Variants in TIMMDC1 observed in about 807,000 individuals in gnomAD.
TIMMDC1 encodes the protein complex I assembly factor TIMMDC1, mitochondrial.
In TIMMDC1, 25 loss-of-function variants were observed where a neutral mutation model predicts 32.6. The ratio of observed to expected loss-of-function variants is 0.77; its 90% CI spans 0.56 to 1.07. The LOEUF is 1.07. TIMMDC1 is among the 50% of genes least tolerant of loss of function. The probability of loss-of-function intolerance (pLI) is 0.00; values close to 1 mark genes in which losing one functional copy is unlikely to be tolerated. For missense variants in TIMMDC1, 329 were observed against 349.2 expected, an observed-to-expected ratio of 0.94 and a Z score of 0.46; for synonymous variants, 130 against 127.6, an observed-to-expected ratio of 1.02 and a Z score of -0.13.
intron 6 of TIMMDC1, among the ~76,000 whole-genome samples, chr3:119,518,926 T>C (rs1276317817): frequency 6.6e-6 from 1 of 151,642 alleles, no homozygotes; most frequent in Non-Finnish European, 1.5e-5. Flanking sequence ...CTGCCAAGAG[T>C]ATTATACCTA....
intron 4 of TIMMDC1, among the ~76,000 whole-genome samples, chr3:119,505,689 T>A (rs1487718452): frequency 6.6e-6 from 1 of 152,102 alleles, no homozygotes; most frequent in Non-Finnish European, 1.5e-5. Context: ...TTTTTAAATG[T>A]TTTTTTGGGA....
intron 6 of TIMMDC1, among the ~76,000 whole-genome samples, chr3:119,523,296 A>C (rs1176111887): frequency 1.3e-5 from 2 of 152,176 alleles, no homozygotes; most frequent in Non-Finnish European, 2.9e-5. Flanking sequence ...TTCACACCTT[A>C]GCACAAAGTG....
At chr3:119,506,550 T>C (rs889213733) in intron 4 of TIMMDC1, among the ~76,000 whole-genome samples, 3 of 151,310 alleles carry the variant, frequency 2.0e-5, no homozygotes. Context: ...AACCAAGGAA[T>C]GATATGGTTC....
chr3:119,503,674 G>GC, intron 3 of TIMMDC1, 54 bp downstream of exon 3: 1 of 1,427,768 alleles, frequency 7.0e-7, no homozygotes, highest in Non-Finnish European at 9.6e-7. Flanking sequence ...TGTTTTAGGA[G>GC]TGTGTCTTTT....
intron 5 of TIMMDC1, among the ~76,000 whole-genome samples, chr3:119,514,627 C>T (rs1174760708): frequency 1.3e-5 from 2 of 152,200 alleles, no homozygotes; most frequent in African/African-American, 4.8e-5. Flanking sequence ...TCATGTATCA[C>T]ATCAGGAGAT....
chr3:119,522,835 T>A (rs879339859), intron 6 of TIMMDC1, among the ~76,000 whole-genome samples: 23 of 147,124 alleles, frequency 1.6e-4, no homozygotes, highest in South Asian at 4.3e-4. Context: ...TGTGTGTGTG[T>A]GAGATATTTC....
intron 6 of TIMMDC1, 62 bp downstream of exon 6, chr3:119,517,377 G>A: frequency 9.0e-7 from 1 of 1,108,184 alleles, no homozygotes; most frequent in Non-Finnish European, 1.4e-6. Flanking sequence ...ATATAGTGGT[G>A]CTCTTTTAAA....
rs1246120147 is a variant in TIMMDC1, at chr3:119,524,647, T to A, written c.*891T>A. On this transcript the variant is annotated 3_prime_UTR_variant, in exon 7 of 7. Transcript: ENST00000494664. ...GCATTTGAGAAATGTTGTCTTCTTT[T>A]GCTGTTCAACTCCAGATTTTCAGAT... 1 of 152,250 alleles carries A rather than the reference T, an allele frequency of 6.6e-6. No homozygotes were observed. 9.4% of individuals were successfully genotyped at this position (152,250 alleles called of 1,614,324 possible). A position where few individuals can be genotyped will look rare whatever the true frequency, so the allele number is the denominator to read the frequency against.
chr3:119,513,159 C>G (rs1328451215), intron 4 of TIMMDC1, among the ~76,000 whole-genome samples: 1 of 152,172 alleles, frequency 6.6e-6, no homozygotes, highest in Admixed American at 6.5e-5. Context: ...GGAAAGAAGT[C>G]TTTCTGTGCA....
chr3:119,520,849 A>G lies in TIMMDC1; in HGVS notation c.708-2757A>G, dbSNP rs78667212. On this transcript the variant is annotated intron_variant, in intron 6 of 6. Transcript: ENST00000494664. ...AAACAATCCTTAACAAAATACCAGC[A>G]AACCAAATCCAAGAGTACATCAAAA... Among the ~76,000 whole-genome samples the G allele has an allele frequency of 1.8e-3, 276 of 152,340 alleles. 1 individual carries two copies. The highest frequency in any genetic ancestry group is 6.4e-3 in the African/African-American group (264 of 41,572).
intron 2 of TIMMDC1, among the ~76,000 whole-genome samples, chr3:119,501,140 G>T (rs2081871578): frequency 6.6e-6 from 1 of 152,124 alleles, no homozygotes; most frequent in Non-Finnish European, 1.5e-5. Flanking sequence ...AATCGTCAAG[G>T]CTCAGCTGTA....
chr3:119,517,932 G>T (rs1169571604), intron 6 of TIMMDC1, among the ~76,000 whole-genome samples: 1 of 151,728 alleles, frequency 6.6e-6, no homozygotes, highest in Admixed American at 6.6e-5. Flanking sequence ...TTGTGCTCCA[G>T]CCTGGGCCAC....
intron 6 of TIMMDC1, among the ~76,000 whole-genome samples, chr3:119,519,067 G>A (rs1029270361): frequency 3.3e-5 from 5 of 152,084 alleles, no homozygotes; most frequent in Middle Eastern, 3.4e-3. Context: ...GCAAAAGCAC[G>A]GTAACTACCA....
At chr3:119,517,599 G>A (rs7642502) in intron 6 of TIMMDC1, among the ~76,000 whole-genome samples, 123,213 of 152,106 alleles carry the variant, frequency 0.81, 49,979 homozygotes, top group East Asian at 0.87. Flanking sequence ...TTCTTTTCCT[G>A]TGTTCTTAAC....
chr3:119,500,729 A>G lies in TIMMDC1; in HGVS notation c.229A>G (p.Ile77Val), dbSNP rs1003521290. Reference sequence around the variant, plus strand: ...GAGAATTTCAAAGGACCTTGCTAATATCTGTAAGACGGCAGCTACAGCAGG... The same window carrying G: ...GAGAATTTCAAAGGACCTTGCTAATGTCTGTAAGACGGCAGCTACAGCAGG... ...QQRISKDLAN[I>V]CKTAATAGII... is the part of the protein sequence containing the mutation. Residue 77 changes from isoleucine to valine, a missense_variant, in exon 2 of 7, where the codon ATC becomes GTC. Ile to Val is a conservative substitution (Grantham distance 29). Coordinates refer to ENST00000494664, the MANE Select transcript of TIMMDC1 (RefSeq NM_016589.4). The G allele has an allele frequency of 6.2e-7, 1 of 1,613,818 alleles. No homozygotes were observed. The highest frequency in any genetic ancestry group is 1.1e-5 in the South Asian group (1 of 90,990).
rs760132885 is a variant in TIMMDC1 at position 119,523,698 on chromosome 3, A to C, written c.800A>C (p.Glu267Ala). ...CCTGAGAATGATGCTAAGAAAATTG[A>C]AGCACTGCTAAACCTTCCTAGAAAC... Reference protein sequence around the residue: ...DEPENDAKKIEALLNLPRNPS... With the variant: ...DEPENDAKKIAALLNLPRNPS... The change falls in exon 7 of 7, where the codon GAA (glutamate) becomes GCA (alanine). Residue 267 changes from glutamate to alanine, a missense_variant. Coordinates refer to ENST00000494664, the MANE Select transcript of TIMMDC1 (RefSeq NM_016589.4). 1 of 1,613,664 alleles carries C rather than the reference A, an allele frequency of 6.2e-7. No individual in the cohort carries two copies. Among genetic ancestry groups the C allele is most frequent in the Admixed American group, 1.7e-5 (1 of 59,946 alleles).
At chr3:119,507,125 A>G (rs2081923491) in intron 4 of TIMMDC1, among the ~76,000 whole-genome samples, 1 of 152,114 alleles carries the variant, frequency 6.6e-6, no homozygotes, top group African/African-American at 2.4e-5. Context: ...TTTGAGGAAC[A>G]TTTACTGTGC....
intron 1 of TIMMDC1, 24 bp from the exon 2 acceptor site, chr3:119,500,671 A>C: frequency 6.2e-7 from 1 of 1,603,964 alleles, no homozygotes; most frequent in Non-Finnish European, 8.5e-7. Flanking sequence ...AATCCCAAAC[A>C]ACATTGTCTT....
In TIMMDC1 at chr3:119,498,648, C is replaced by A; in HGVS notation, c.-86C>A. 7.4e-7 allele frequency: 1 copy of A among 1,356,032 alleles called. No individual in the cohort carries two copies. The highest frequency in any genetic ancestry group is 1.0e-6 in the Non-Finnish European group (1 of 968,174). 84.0% of individuals were successfully genotyped at this position (1,356,032 alleles called of 1,614,324 possible). A position where few individuals can be genotyped will look rare whatever the true frequency, so the allele number is the denominator to read the frequency against. ...CTGGGTCAAATGCACGGATTCTCAC[C>A]TCGTACAGTTACGCTCTCCCGCGGC... On this transcript the variant is annotated 5_prime_UTR_variant, in exon 1 of 7. Coordinates refer to ENST00000494664, the MANE Select transcript of TIMMDC1 (RefSeq NM_016589.4).
Sources: allele counts gnomAD v4.1 joint callset (sites outside exome capture counted in the v4.1 genomes callset), GRCh38; gene constraint gnomAD v4.1.1; transcripts MANE v1.5; gene names NCBI Gene and HGNC (gene_info 2026-07-23, HGNC 2026-07-21).